Variants in MYO5B observed in about 807,000 individuals in gnomAD.
MYO5B encodes myosin VB, also known as unconventional myosin-Vb.
MYO5B carries 143 observed loss-of-function variants against 229.3 expected under a neutral mutation model. The observed-to-expected ratio is 0.62, with a 90% CI of 0.54 to 0.72. The LOEUF (loss-of-function observed/expected upper bound fraction) is 0.72, where lower values mean the gene tolerates loss of function less well. Ranked by LOEUF, MYO5B falls within the 30% of genes least tolerant of loss-of-function variation. The pLI, the probability that MYO5B is intolerant of heterozygous loss-of-function variation, is 0.00. For missense variants in MYO5B, 2,321 were observed against 2,331.0 expected (o/e 1.00, Z 0.09); for synonymous variants, 918 against 885.2 (o/e 1.04, Z -0.66).
chr18:49,942,249 G>A (rs1365059648), intron 14 of MYO5B, among the ~76,000 whole-genome samples: 24 of 150,996 alleles, frequency 1.6e-4, no homozygotes, highest in African/African-American at 5.1e-4. Flanking sequence ...AGAAAACCTA[G>A]GCAATACCAT....
intron 1 of MYO5B, among the ~76,000 whole-genome samples, chr18:50,194,155 C>T (rs2033266376): frequency 6.6e-6 from 1 of 152,240 alleles, no homozygotes; most frequent in South Asian, 2.1e-4. Flanking sequence ...AACGGCGCAC[C>T]CCTCTACCCA....
At chr18:49,899,124 T>C (rs17727922) in intron 21 of MYO5B, among the ~76,000 whole-genome samples, 27,791 of 152,120 alleles carry the variant, frequency 0.18, 2,726 homozygotes, top group East Asian at 0.41. Context: ...CTACTCCCTA[T>C]GCTGTTCTCA....
At chr18:50,191,019 G>A (rs2033218652) in intron 1 of MYO5B, among the ~76,000 whole-genome samples, 1 of 152,186 alleles carries the variant, frequency 6.6e-6, no homozygotes, top group Non-Finnish European at 1.5e-5. Flanking sequence ...TGGCTATTTT[G>A]ATAATACACT....
intron 32 of MYO5B, among the ~76,000 whole-genome samples, chr18:49,847,645 A>G (rs1260396159): frequency 6.6e-6 from 1 of 152,194 alleles, no homozygotes; most frequent in Non-Finnish European, 1.5e-5. Context: ...CCGCTCCTGC[A>G]TAGCTGCTTC....
chr18:50,010,738 T>C (rs1403400627), intron 4 of MYO5B, among the ~76,000 whole-genome samples: 1 of 152,252 alleles, frequency 6.6e-6, no homozygotes, highest in Admixed American at 6.5e-5. Flanking sequence ...AGGGGTGAAC[T>C]ATGATATACA....
At chr18:50,001,495 G>C (rs2026046970) in intron 4 of MYO5B, 84 bp from the exon 5 acceptor site, 1 of 1,497,760 alleles carries the variant, frequency 6.7e-7, no homozygotes, top group East Asian at 2.3e-5. Flanking sequence ...AAGGGCCTGA[G>C]CCTCACTGGG....
At chr18:50,117,522 C>A (rs564020606) in intron 1 of MYO5B, among the ~76,000 whole-genome samples, 1 of 152,192 alleles carries the variant, frequency 6.6e-6, no homozygotes, top group Admixed American at 6.5e-5. Flanking sequence ...CCCCCTTTCT[C>A]CCTGGGAGTC....
At chr18:49,934,399 A>G (rs2025227509) in intron 16 of MYO5B, among the ~76,000 whole-genome samples, 1 of 152,224 alleles carries the variant, frequency 6.6e-6, no homozygotes, top group African/African-American at 2.4e-5. Context: ...TTCTGAAGAT[A>G]AGGCAGTGTC....
chr18:49,891,425 C>T (rs1290297459), intron 22 of MYO5B, among the ~76,000 whole-genome samples: 1 of 152,206 alleles, frequency 6.6e-6, no homozygotes. Flanking sequence ...CCCCCATCCC[C>T]ACACATTTAA....
In MYO5B at chr18:49,982,448, A is replaced by T. The variant is rs377628164; in HGVS notation, c.947-1895T>A. Among the ~76,000 whole-genome samples, 14 of 152,330 alleles carry T rather than the reference A, an allele frequency of 9.2e-5. 1 individual carries two copies. In the East Asian group the frequency reaches 1.2e-3, roughly 13 times the overall value. ...TAGGAATTTAAGTGGTAGACACAGAATGAATACTGAATCCTAACAATAGTT... is the reference window on the plus strand; with the variant it reads ...TAGGAATTTAAGTGGTAGACACAGATTGAATACTGAATCCTAACAATAGTT... On this transcript the variant is annotated intron_variant, in intron 8 of 39. Transcript: ENST00000285039.
intron 10 of MYO5B, 34 bp downstream of exon 10, chr18:49,974,316 G>A: frequency 2.5e-6 from 4 of 1,614,090 alleles, no homozygotes; most frequent in Non-Finnish European, 3.4e-6. Flanking sequence ...CCACTCCCAG[G>A]TAGCAGATAG....
intron 14 of MYO5B, 69 bp from the exon 15 acceptor site, chr18:49,937,466 T>C (rs1019594788): frequency 3.5e-5 from 55 of 1,564,102 alleles, no homozygotes; most frequent in Non-Finnish European, 3.9e-5. Flanking sequence ...CTCTCAAAGC[T>C]GCTTTTCAAC....
chr18:50,009,115 C>T (rs2026134594), intron 4 of MYO5B, among the ~76,000 whole-genome samples: 1 of 152,178 alleles, frequency 6.6e-6, no homozygotes, highest in African/African-American at 2.4e-5. Flanking sequence ...CAGTGGCTCA[C>T]GTCTGTAATC....
Position 49,837,753 on chromosome 18 carries a change from C to G in MYO5B, c.4902G>C (p.Lys1634Asn). ...AGGAGCGCTTCCGGTAGCCGGTGGG[C>G]TTCACACCAGATAGACCCTGAATGC... Reference protein sequence around the residue: ...NESIQGLSGVKPTGYRKRSSS... With the variant: ...NESIQGLSGVNPTGYRKRSSS... Residue 1634 changes from lysine to asparagine, a missense_variant, in exon 37 of 40, where the codon AAG becomes AAC. Lys to Asn is a moderately conservative substitution (Grantham distance 94). This residue lies in a region of MYO5B where 208 missense variants were observed against 286.3 expected (regional missense o/e 0.73). Transcript: ENST00000285039. 6.2e-7 allele frequency: 1 copy of G among 1,614,170 alleles called. No homozygotes were observed. Among genetic ancestry groups the G allele is most frequent in the East Asian group, 2.2e-5 (1 of 44,886 alleles).
chr18:49,957,379 C>T (rs1212663727), intron 12 of MYO5B, among the ~76,000 whole-genome samples: 1 of 152,160 alleles, frequency 6.6e-6, no homozygotes, highest in African/African-American at 2.4e-5. Context: ...CAATGGCTCA[C>T]ACCTGTAATC....
intron 33 of MYO5B, among the ~76,000 whole-genome samples, chr18:49,845,054 T>C (rs1003937678): frequency 2.0e-5 from 3 of 152,194 alleles, no homozygotes; most frequent in East Asian, 1.9e-4. Flanking sequence ...TGGGGCCACC[T>C]GAGCAAGGGT....
At chr18:49,991,278 AG>A (rs2025929521) in intron 6 of MYO5B, among the ~76,000 whole-genome samples, 1 of 152,244 alleles carries the variant, frequency 6.6e-6, no homozygotes, top group South Asian at 2.1e-4. Flanking sequence ...TGCTATCATC[AG>A]CATGGAGATG....
At chr18:50,187,406 G>A (rs905902777) in intron 1 of MYO5B, among the ~76,000 whole-genome samples, 2 of 152,152 alleles carry the variant, frequency 1.3e-5, no homozygotes, top group African/African-American at 4.8e-5. Flanking sequence ...AGTGAGAAAG[G>A]CACAGCATTT....
Position 49,856,801 on chromosome 18 carries a change from A to C in MYO5B, c.4022+12T>G. On this transcript the variant is annotated intron_variant, in intron 30 of 39. Transcript: ENST00000285039. ...GACAAAGCAGACACAGGAAGAAAGGAATATGTTCCACCTGGCAACTTGCTT... is the reference window on the plus strand; with the variant it reads ...GACAAAGCAGACACAGGAAGAAAGGCATATGTTCCACCTGGCAACTTGCTT... 6.2e-7 allele frequency: 1 copy of C among 1,608,546 alleles called. No homozygotes were observed. The highest frequency in any genetic ancestry group is 1.7e-4 in the Middle Eastern group (1 of 6,036).
Sources: gnomAD v4.1 joint callset for allele counts (sites outside exome capture counted in the v4.1 genomes callset) on GRCh38, gnomAD v4.1.1 for gene constraint, gnomAD v4.1.1 regional missense constraint, MANE v1.5 for transcripts, NCBI Gene and HGNC (gene_info 2026-07-23, HGNC 2026-07-21) for gene names.